Variants in SLIT3 observed in about 807,000 individuals in gnomAD.
The protein encoded by SLIT3 is slit guidance ligand 3, also known as slit homolog 3 protein.
A neutral mutation model predicts 184.0 loss-of-function variants in SLIT3; 68 were observed. The observed-to-expected ratio is 0.37, with a 90% confidence interval of 0.30 to 0.45. SLIT3 has a LOEUF of 0.45. Among genes scored for constraint, SLIT3 ranks in the 20% least tolerant of loss-of-function variants. SLIT3 has a pLI of 1.00. For missense variants in SLIT3, 1,707 were observed against 2,026.0 expected, an observed-to-expected ratio of 0.84 and a Z score of 3.02; for synonymous variants, 831 against 828.6, an observed-to-expected ratio of 1.00 and a Z score of -0.05.
chr5:169,258,056 A>G (rs1172167840), intron 1 of SLIT3, among the ~76,000 whole-genome samples: 1 of 152,136 alleles, frequency 6.6e-6, no homozygotes, highest in Non-Finnish European at 1.5e-5. Flanking sequence ...CTATTACCTC[A>G]TTTTTCACAT....
chr5:168,850,523 T>C lies in SLIT3; in HGVS notation c.486-5868A>G, dbSNP rs373746856. ...TTGACCTCTGACGTTTAATGTGGTA[T>C]AGCCAGTTACATTTACAGAGATATT... is the stretch of plus-strand genomic sequence containing the variant. On this transcript the variant is annotated intron_variant, in intron 5 of 35. Transcript: ENST00000519560. 9.2e-5 allele frequency among the ~76,000 whole-genome samples: 14 copies of C among 152,350 alleles called. No homozygotes were observed. The East Asian group carries it at 1.9e-3, about 21-fold the overall frequency.
intron 6 of SLIT3, among the ~76,000 whole-genome samples, chr5:168,835,083 C>G (rs1029778715): frequency 6.6e-6 from 1 of 152,158 alleles, no homozygotes; most frequent in African/African-American, 2.4e-5. Context: ...CTGGATAACA[C>G]AGAGATGCAA....
At chr5:169,196,211 A>G (rs1198667421) in intron 3 of SLIT3, among the ~76,000 whole-genome samples, 1 of 151,962 alleles carries the variant, frequency 6.6e-6, no homozygotes, top group Admixed American at 6.6e-5. Flanking sequence ...GGCAACATCT[A>G]TTTTTATGTT....
At chr5:169,294,551 C>T (rs1767445869) in intron 1 of SLIT3, among the ~76,000 whole-genome samples, 1 of 152,188 alleles carries the variant, frequency 6.6e-6, no homozygotes. Context: ...TGGGTTGGAG[C>T]AAGTTTAGGA....
intron 11 of SLIT3, among the ~76,000 whole-genome samples, chr5:168,787,982 GGAGT>G (rs5873125): frequency 0.058 from 8,852 of 152,136 alleles, 832 homozygotes; most frequent in African/African-American, 0.2. Context: ...GAATAAATCG[GGAGT>G]GAGAGGTGCT....
intron 4 of SLIT3, among the ~76,000 whole-genome samples, chr5:168,969,695 C>T (rs542317533): frequency 2.9e-4 from 44 of 152,164 alleles, no homozygotes; most frequent in Non-Finnish European, 4.1e-4. Flanking sequence ...AACGAGACAC[C>T]TTGAATTTGT....
At chr5:168,701,422 G>A (rs13179467) in intron 26 of SLIT3, among the ~76,000 whole-genome samples, 27,499 of 152,138 alleles carry the variant, frequency 0.18, 3,014 homozygotes, top group East Asian at 0.41. Flanking sequence ...GAACCTTTGC[G>A]ATAGAGAACT....
chr5:168,912,189 CT>C (rs1282248459), intron 4 of SLIT3, among the ~76,000 whole-genome samples: 1 of 152,136 alleles, frequency 6.6e-6, no homozygotes, highest in African/African-American at 2.4e-5. Flanking sequence ...CATTTTTCCC[CT>C]AGCTTACTTT....
rs141406155 is a variant in SLIT3, at chr5:168,893,547, A to T, written c.414-10211T>A. On this transcript the variant is annotated intron_variant, in intron 4 of 35. Transcript: ENST00000519560. Reference sequence around the variant, plus strand: ...TCATCTCAAGAAGTAGCTTTATGTAAATCGATCCTTTGGCCCGAAAGCTGG... The same window carrying T: ...TCATCTCAAGAAGTAGCTTTATGTATATCGATCCTTTGGCCCGAAAGCTGG... Among the ~76,000 whole-genome samples, 176 of 152,208 alleles carry T rather than the reference A, an allele frequency of 1.2e-3. 2 individuals are homozygous for T. Among genetic ancestry groups the T allele is most frequent in the African/African-American group, 4.1e-3 (171 of 41,502 alleles).
In SLIT3 at chr5:169,300,071, A is replaced by C. The variant is rs1380421998; in HGVS notation, c.197+442T>G. Among the ~76,000 whole-genome samples the C allele has an allele frequency of 6.6e-6, 1 of 152,232 alleles. No individual in the cohort carries two copies. Among genetic ancestry groups the C allele is most frequent in the Non-Finnish European group, 1.5e-5 (1 of 68,034 alleles). On this transcript the variant is annotated intron_variant, in intron 1 of 35. Coordinates refer to ENST00000519560, the MANE Select transcript of SLIT3 (RefSeq NM_003062.4). The surrounding 1 kb of genome is among the most constrained non-coding windows in gnomAD (Gnocchi z 4.1). ...GGCTGGCCCATTCTGATCTCCAAGC[A>C]GGTCAACAGTCTCGGGCCCTCTCTC...
chr5:169,173,928 C>T (rs921412521), intron 4 of SLIT3, among the ~76,000 whole-genome samples: 20 of 152,210 alleles, frequency 1.3e-4, no homozygotes, highest in African/African-American at 4.6e-4. Flanking sequence ...TCCAAGACCC[C>T]AGGCCCCATC....
At chr5:169,062,663 C>T (rs1398716777) in intron 4 of SLIT3, among the ~76,000 whole-genome samples, 3 of 152,224 alleles carry the variant, frequency 2.0e-5, no homozygotes, top group Non-Finnish European at 4.4e-5. Flanking sequence ...ATTTCATTTA[C>T]TCATGTGTTT....
chr5:168,727,589 A>G (rs1179865212), intron 20 of SLIT3, among the ~76,000 whole-genome samples: 7 of 152,168 alleles, frequency 4.6e-5, no homozygotes, highest in Admixed American at 4.6e-4. Context: ...TCAAAGCACA[A>G]TGAGAGGCCA....
intron 5 of SLIT3, among the ~76,000 whole-genome samples, chr5:168,854,531 C>T (rs1758789379): frequency 6.6e-6 from 1 of 152,228 alleles, no homozygotes; most frequent in African/African-American, 2.4e-5. Flanking sequence ...TGCTTCAATT[C>T]CAGATCACCT....
Position 168,895,225 on chromosome 5 carries a change from A to G in SLIT3, c.414-11889T>C, listed in dbSNP as rs186684805. On this transcript the variant is annotated intron_variant, in intron 4 of 35. Transcript: ENST00000519560. ...ATTGCTCCGGATCTACCTAACCCTA[A>G]CACTCTTTGTGATATGGCACTAGAG... Among the ~76,000 whole-genome samples the G allele has an allele frequency of 4.1e-4, 62 of 152,164 alleles. 1 individual carries two copies. In the East Asian group the frequency reaches 0.011, roughly 28 times the overall value.
At chr5:168,989,549 G>A (rs1755246345) in intron 4 of SLIT3, among the ~76,000 whole-genome samples, 1 of 152,218 alleles carries the variant, frequency 6.6e-6, no homozygotes, top group Non-Finnish European at 1.5e-5. Flanking sequence ...TGCATCTAAT[G>A]TAATTCTGAA....
chr5:169,209,253 T>C (rs570125431), intron 3 of SLIT3, among the ~76,000 whole-genome samples: 18 of 152,332 alleles, frequency 1.2e-4, no homozygotes, highest in Admixed American at 1.0e-3. Flanking sequence ...CACAATGAGA[T>C]ACCATCTCAC....
chr5:169,019,900 C>A (rs1756533314), intron 4 of SLIT3, among the ~76,000 whole-genome samples: 2 of 152,132 alleles, frequency 1.3e-5, no homozygotes, highest in South Asian at 4.1e-4. Context: ...TTTTTCAGTT[C>A]TTTGCAGATA....
intron 6 of SLIT3, among the ~76,000 whole-genome samples, chr5:168,828,065 T>A (rs1443664190): frequency 6.6e-6 from 1 of 152,200 alleles, no homozygotes; most frequent in Admixed American, 6.5e-5. Flanking sequence ...GCAAGGCACA[T>A]AACTGCTCGG....
Sources: allele counts gnomAD v4.1 joint callset (sites outside exome capture counted in the v4.1 genomes callset), GRCh38; gene constraint gnomAD v4.1.1; non-coding constraint Gnocchi (gnomAD v3.1); transcripts MANE v1.5; gene names NCBI Gene and HGNC (gene_info 2026-07-23, HGNC 2026-07-21).